Variants in FRMD6 observed in about 807,000 individuals in gnomAD.
The protein encoded by FRMD6 is FERM domain-containing protein 6.
Under a neutral mutation model 73.2 loss-of-function variants are expected in FRMD6, and 37 were observed. That is an observed-to-expected ratio of 0.51 (90% CI 0.39 to 0.66). FRMD6 has a LOEUF of 0.66. FRMD6 is among the 30% of genes least tolerant of loss of function. FRMD6 has a pLI of 0.00. For missense variants in FRMD6, 714 were observed against 780.5 expected (o/e 0.91, Z 1.02); for synonymous variants, 273 against 282.2 (o/e 0.97, Z 0.33).
chr14:51,566,614 A>C (rs1453005563), intron 1 of FRMD6, among the ~76,000 whole-genome samples: 1 of 152,230 alleles, frequency 6.6e-6, no homozygotes, highest in Non-Finnish European at 1.5e-5. Flanking sequence ...CTTCCTACAC[A>C]GTAGCCAGGC....
chr14:51,721,176 G>C (rs2140634336), intron 11 of FRMD6, among the ~76,000 whole-genome samples: 1 of 152,272 alleles, frequency 6.6e-6, no homozygotes, highest in South Asian at 2.1e-4. Context: ...GCCTTGCTTT[G>C]GTATCAGGCA....
At chr14:51,506,827 T>A (rs1883990449) in intron 1 of FRMD6, among the ~76,000 whole-genome samples, 1 of 152,196 alleles carries the variant, frequency 6.6e-6, no homozygotes, top group African/African-American at 2.4e-5. Context: ...TACCTTAGAC[T>A]ATTAAACAGC....
At chr14:51,455,885 A>T in the FRMD6 span, among the ~76,000 whole-genome samples, 1 of 152,186 alleles carries the variant, frequency 6.6e-6, no homozygotes, top group Non-Finnish European at 1.5e-5. Context: ...GGGAAGGTGA[A>T]GTTCAAGGTC....
At chr14:51,597,674 C>T (rs926874662) in intron 2 of FRMD6, among the ~76,000 whole-genome samples, 2 of 152,200 alleles carry the variant, frequency 1.3e-5, no homozygotes, top group South Asian at 4.1e-4. Context: ...AATGAATGAG[C>T]TAATATATAC....
intron 1 of FRMD6, among the ~76,000 whole-genome samples, chr14:51,656,544 G>A (rs865813018): frequency 6.6e-6 from 1 of 151,912 alleles, no homozygotes; most frequent in Non-Finnish European, 1.5e-5. Context: ...CTCCCGAGTA[G>A]CTGGGATTAT....
chr14:51,563,156 C>T (rs1887574542), intron 1 of FRMD6, among the ~76,000 whole-genome samples: 1 of 152,200 alleles, frequency 6.6e-6, no homozygotes, highest in Admixed American at 6.5e-5. Flanking sequence ...GTGAGTATCC[C>T]AGGAGAACCA....
chr14:51,412,407 C>T, the FRMD6 span, among the ~76,000 whole-genome samples: 1 of 151,978 alleles, frequency 6.6e-6, no homozygotes, highest in African/African-American at 2.4e-5. Context: ...AGGTCTATGC[C>T]TTTCTCTGAA....
intron 2 of FRMD6, among the ~76,000 whole-genome samples, chr14:51,693,815 C>T (rs1159728605): frequency 3.9e-5 from 6 of 152,128 alleles, no homozygotes; most frequent in Non-Finnish European, 5.9e-5. Context: ...ACTCACTATG[C>T]CCAAACTCCT....
chr14:51,409,476 C>T, the FRMD6 span, among the ~76,000 whole-genome samples: 1 of 151,088 alleles, frequency 6.6e-6, no homozygotes, highest in Non-Finnish European at 1.5e-5. Context: ...GTCAAGGTCT[C>T]TAGCCCACCA....
Position 51,665,444 on chromosome 14 carries a change from T to G in FRMD6, c.-147+13448T>G, listed in dbSNP as rs1268228098. On this transcript the variant is annotated intron_variant, in intron 1 of 13. Transcript: ENST00000344768. ...TCAGAGTTCCTTAAATCTAGCCAAA[T>G]TGTTCTTCCCATTGTCCTGTCTAAT... Among the ~76,000 whole-genome samples, 4 of 152,166 alleles carry G rather than the reference T, an allele frequency of 2.6e-5. No individual in the cohort carries two copies. In the South Asian group the frequency reaches 8.3e-4, roughly 32 times the overall value.
At chr14:51,455,768 A>C in the FRMD6 span, among the ~76,000 whole-genome samples, 1 of 152,208 alleles carries the variant, frequency 6.6e-6, no homozygotes. Flanking sequence ...GAGACAGCAT[A>C]GAATTCTGGT....
At chr14:51,657,973 G>T (rs919754472) in intron 1 of FRMD6, among the ~76,000 whole-genome samples, 2 of 152,188 alleles carry the variant, frequency 1.3e-5, no homozygotes, top group Non-Finnish European at 2.9e-5. Flanking sequence ...AGTAGTAGAA[G>T]CTGCTCTGAC....
chr14:51,654,706 C>T (rs979718761), intron 1 of FRMD6, among the ~76,000 whole-genome samples: 1 of 152,040 alleles, frequency 6.6e-6, no homozygotes, highest in Admixed American at 6.5e-5. Flanking sequence ...TGGATGATCT[C>T]AACAAGTTTT....
At chr14:51,409,268 T>C in the FRMD6 span, among the ~76,000 whole-genome samples, 2 of 150,698 alleles carry the variant, frequency 1.3e-5, no homozygotes, top group Admixed American at 1.3e-4. Context: ...AGTTGACAAA[T>C]CCCTCAGAGC....
rs191430632 is a variant in FRMD6 at position 51,547,502 on chromosome 14, C to T, written c.-209-22846C>T. On this transcript the variant is annotated intron_variant, in intron 1 of 14. Transcript: ENST00000356218. ...TATTGTATGTGGATTCTGTAATAGT[C>T]TTGGAATAGTGTTCTGTGATTCATA... is the stretch of plus-strand genomic sequence containing the variant. 3.3e-5 allele frequency among the ~76,000 whole-genome samples: 5 copies of T among 152,238 alleles called. No homozygotes were observed. The East Asian group carries it at 9.7e-4, about 29-fold the overall frequency.
chr14:51,569,828 T>TC (rs1299512149), intron 1 of FRMD6, among the ~76,000 whole-genome samples: 1 of 150,864 alleles, frequency 6.6e-6, no homozygotes, highest in East Asian at 1.9e-4. Flanking sequence ...TTTTTCTTTT[T>TC]TTTTTTTGAG....
chr14:51,683,881 C>G (rs1894977283), intron 1 of FRMD6, among the ~76,000 whole-genome samples: 1 of 152,016 alleles, frequency 6.6e-6, no homozygotes, highest in Admixed American at 6.6e-5. Context: ...GAGGTTAAGC[C>G]ATATCAAAGG....
At chr14:51,685,302 C>T (rs951006085) in intron 1 of FRMD6, among the ~76,000 whole-genome samples, 8 of 152,198 alleles carry the variant, frequency 5.3e-5, no homozygotes, top group African/African-American at 1.9e-4. Context: ...ATTAGAGATG[C>T]TTCCCTTGAT....
chr14:51,511,608 G>A (rs920755203), intron 1 of FRMD6, among the ~76,000 whole-genome samples: 16 of 152,160 alleles, frequency 1.1e-4, no homozygotes, highest in Non-Finnish European at 1.6e-4. Context: ...GAAGGGAAAA[G>A]ATTGATTAAG....
Sources: gnomAD v4.1 joint callset for allele counts (sites outside exome capture counted in the v4.1 genomes callset) on GRCh38, gnomAD v4.1.1 for gene constraint, MANE v1.5 for transcripts, NCBI Gene and HGNC (gene_info 2026-07-23, HGNC 2026-07-21) for gene names.